Variants in ARHGEF2 observed in about 807,000 individuals in gnomAD.
ARHGEF2 encodes the protein Rho/Rac guanine nucleotide exchange factor 2, also known as rho guanine nucleotide exchange factor 2.
A neutral mutation model predicts 121.0 loss-of-function variants in ARHGEF2; 22 were observed. That is an observed-to-expected ratio of 0.18 (90% CI 0.13 to 0.26). The LOEUF (loss-of-function observed/expected upper bound fraction) is 0.26, where lower values mean the gene tolerates loss of function less well. Among genes scored for constraint, ARHGEF2 ranks in the 10% least tolerant of loss-of-function variants. The pLI, the probability that ARHGEF2 is intolerant of heterozygous loss-of-function variation, is 1.00. For synonymous variants in ARHGEF2, 487 were observed against 530.0 expected (o/e 0.92, Z 1.11); for missense variants, 907 against 1,336.0 (o/e 0.68, Z 5.01).
Position 155,962,697 on chromosome 1 carries a change from G to C in ARHGEF2, c.997C>G (p.Gln333Glu). 1 of 1,614,108 alleles carries C rather than the reference G, an allele frequency of 6.2e-7. No individual in the cohort carries two copies. Among genetic ancestry groups the C allele is most frequent in the Non-Finnish European group, 8.5e-7 (1 of 1,180,008 alleles). The change falls in exon 9 of 22, where the codon CAG (glutamine) becomes GAG (glutamate). Residue 333 changes from glutamine (Q) to glutamate (E), a missense_variant. Gln to Glu is a conservative substitution (Grantham distance 29). Transcript: ENST00000361247. This position sits in a 1 kb window ranked among gnomAD's most constrained non-coding sequence, Gnocchi z 5.8. ...ISQFSGPSAEQMCKTYSEFCS... is the reference protein window; with the variant it reads ...ISQFSGPSAEEMCKTYSEFCS... The stretch of plus-strand genomic sequence containing the variant: ...AACTCCGAGTAGGTCTTACACATCT[G>C]CTCCGCACTAGGACCTGAGAACTAG...
intron 2 of ARHGEF2, chr1:155,968,643 C>T (rs572130223): frequency 6.5e-6 from 1 of 154,320 alleles, no homozygotes; most frequent in East Asian, 1.9e-4. Context: ...ACATCTTCTG[C>T]TTGAAACAGC....
Position 155,965,645 on chromosome 1 carries a change from G to T in ARHGEF2, c.456C>A (p.Thr152=). The change falls in exon 5 of 22, where the codon ACC becomes ACA. Residue 152 remains threonine (T), a synonymous_variant. Transcript: ENST00000361247. This position sits in a 1 kb window ranked among gnomAD's most constrained non-coding sequence, Gnocchi z 6.0. ...SSLSLAKSVS[T]TNIAGHFNDE... is the part of the protein sequence containing the mutation. ...CAGAGGCTCACCCAGCAATGTTGGT[G>T]GTAGAAACACTCTTGGCTAAAGACA... The T allele has an allele frequency of 1.2e-6, 2 of 1,612,808 alleles. No individual in the cohort carries two copies. Among genetic ancestry groups the T allele is most frequent in the Non-Finnish European group, 8.5e-7 (1 of 1,179,864 alleles).
In ARHGEF2 at chr1:155,950,924, G is replaced by A. The variant is rs768191323; in HGVS notation, c.2608C>T (p.Pro870Ser). 13 of 1,603,722 alleles carry A rather than the reference G, an allele frequency of 8.1e-6. No individual in the cohort carries two copies. In the African/African-American group the frequency reaches 1.1e-4, roughly 13 times the overall value. The change falls in exon 20 of 22, where the codon CCA becomes TCA. Residue 870 changes from proline (P) to serine (S), a missense_variant. Around this residue, in one of 2 missense-constraint regions of ARHGEF2, gnomAD observed 432 missense variants for 559.5 expected, o/e 0.77. Coordinates refer to ENST00000361247, the MANE Select transcript of ARHGEF2 (RefSeq NM_001162383.2). The surrounding 1 kb of genome is among the most constrained non-coding windows in gnomAD (Gnocchi z 5.2). ...LAALGQTEPL[P>S]AEAPWARRPV... Reference sequence around the variant, plus strand: ...CTGCGGGCCCAGGGGGCCTCAGCTGGGAGTGGCTCGGTCTGGCCCAGGGCG... The same window carrying A: ...CTGCGGGCCCAGGGGGCCTCAGCTGAGAGTGGCTCGGTCTGGCCCAGGGCG...
intron 2 of ARHGEF2, among the ~76,000 whole-genome samples, chr1:155,967,216 G>A (rs1679581131): frequency 6.6e-6 from 1 of 152,192 alleles, no homozygotes; most frequent in African/African-American, 2.4e-5. Flanking sequence ...AAGCACGAAG[G>A]TGGTTGCGAA....
chr1:155,969,695 A>G, intron 1 of ARHGEF2: 3 of 1,013,580 alleles, frequency 3.0e-6, no homozygotes, highest in Non-Finnish European at 3.5e-6. Context: ...AGGGGAGAGC[A>G]GGCGAAGCGG....
intron 11 of ARHGEF2, among the ~76,000 whole-genome samples, chr1:155,960,192 T>C (rs892630246): frequency 1.1e-4 from 16 of 152,084 alleles, no homozygotes; most frequent in African/African-American, 3.9e-4. Context: ...GGGCGAGGCA[T>C]AGTGGCTCAC....
Position 155,969,566 on chromosome 1 carries a change from C to T in ARHGEF2, c.64-266G>A, listed in dbSNP as rs1324274859. The stretch of plus-strand genomic sequence containing the variant: ...CTACGGCTGGGCTGCCTCCTGTTGC[C>T]ACTCATCTCCCTGGCTCTAGGTCTC... On this transcript the variant is annotated intron_variant, in intron 1 of 21. Transcript: ENST00000361247. The T allele has an allele frequency of 1.7e-5, 22 of 1,318,696 alleles. No homozygotes were observed. In the East Asian group the frequency reaches 7.0e-4, roughly 42 times the overall value. 81.7% of individuals were successfully genotyped at this position (1,318,696 alleles called of 1,614,324 possible).
chr1:155,978,210 T>TCCCCCC lies in ARHGEF2; in HGVS notation c.63+154_63+155insGGGGGG. On this transcript the variant is annotated intron_variant, in intron 1 of 21. Transcript: ENST00000361247. This position sits in a 1 kb window ranked among gnomAD's most constrained non-coding sequence, Gnocchi z 4.1. Reference sequence around the variant, plus strand: ...CCCACCCCTACCCACTCGCTCGCAGTCCCCACCCACCCCGTCCCGCCGCTC... The same window carrying TCCCCCC: ...CCCACCCCTACCCACTCGCTCGCAGTCCCCCCCCCCACCCACCCCGTCCCGCCGCTC... The TCCCCCC allele has an allele frequency of 7.7e-7, 1 of 1,295,510 alleles. No homozygotes were observed. The highest frequency in any genetic ancestry group is 9.9e-7 in the Non-Finnish European group (1 of 1,008,882). The allele number at this position is 1,295,510 out of a possible 1,614,324, so 80.3% of individuals were successfully genotyped here.
rs1232869374 is a variant in ARHGEF2 at position 155,952,244 on chromosome 1, A to G, written c.1985-9T>C. The G allele has an allele frequency of 2.5e-6, 4 of 1,613,766 alleles. No homozygotes were observed. Among genetic ancestry groups the G allele is most frequent in the Non-Finnish European group, 3.4e-6 (4 of 1,179,900 alleles). The stretch of plus-strand genomic sequence containing the variant: ...GTCTTTCAGACCCTCCACTGTGGGG[A>G]AAGAGGAAGAGGTGAGAACAGGAAT... On this transcript the variant is annotated splice_polypyrimidine_tract_variant and intron_variant, in intron 15 of 21. Coordinates refer to ENST00000361247, the MANE Select transcript of ARHGEF2 (RefSeq NM_001162383.2).
At chr1:155,978,897 T>C, upstream of ARHGEF2, 5 of 984,318 alleles carry the variant, frequency 5.1e-6, no homozygotes, top group Non-Finnish European at 4.8e-6. This position sits in a 1 kb window ranked among gnomAD's most constrained non-coding sequence, Gnocchi z 4.1. Flanking sequence ...CCTTTTTCCC[T>C]CCCCTACTGC....
At chr1:155,967,001 C>A (rs985893429) in intron 2 of ARHGEF2, 114 bp from the exon 3 acceptor site, 21 of 961,246 alleles carry the variant, frequency 2.2e-5, no homozygotes, top group South Asian at 1.9e-4. Flanking sequence ...GACTCTCCCC[C>A]CTTCCCCGAC....
chr1:155,970,382 G>C, intron 1 of ARHGEF2: 2 of 985,432 alleles, frequency 2.0e-6, no homozygotes, highest in Non-Finnish European at 2.4e-6. Context: ...GCCTGAGAAG[G>C]TGAGAAGAGG....
intron 15 of ARHGEF2, among the ~76,000 whole-genome samples, 182 bp from the exon 16 acceptor site, chr1:155,952,417 T>C (rs1172469523): frequency 6.6e-6 from 1 of 151,590 alleles, no homozygotes; most frequent in Admixed American, 6.6e-5. Context: ...GGCAGCAGAG[T>C]CCATGCAGCA....
chr1:155,948,379 T>C (rs1015965680), intron 21 of ARHGEF2, among the ~76,000 whole-genome samples: 1 of 152,198 alleles, frequency 6.6e-6, no homozygotes, highest in Non-Finnish European at 1.5e-5. Context: ...CTTATAATCC[T>C]AACACTTTGG....
In ARHGEF2 at chr1:155,969,236, G is replaced by A. The variant is rs778092820; in HGVS notation, c.128C>T (p.Thr43Ile). 5 of 1,614,224 alleles carry A rather than the reference G, an allele frequency of 3.1e-6. 1 individual carries two copies. Among genetic ancestry groups the A allele is most frequent in the East Asian group, 2.2e-5 (1 of 44,888 alleles). ...GGTCATGCCTGAAACTGAAATGGTG[G>A]TGAAGAGGTGCCCATTGGTATAGCG... ...DARYTNGHLF[T>I]TISVSGMTMC... The change falls in exon 2 of 22, where the codon ACC becomes ATC. Residue 43 changes from threonine to isoleucine, a missense_variant. By Grantham distance (89) the Thr-to-Ile change is moderately conservative. Transcript: ENST00000361247.
Position 155,961,715 on chromosome 1 carries a change from T to C in ARHGEF2, c.1414A>G (p.Lys472Glu). 1 of 1,614,140 alleles carries C rather than the reference T, an allele frequency of 6.2e-7. No homozygotes were observed. The highest frequency in any genetic ancestry group is 2.2e-5 in the East Asian group (1 of 44,892). The change falls in exon 11 of 22, where the codon AAA (lysine) becomes GAA (glutamate). Residue 472 changes from lysine to glutamate, a missense_variant. By Grantham distance (56) the Lys-to-Glu change is moderately conservative. Transcript: ENST00000361247. The surrounding 1 kb of genome is among the most constrained non-coding windows in gnomAD (Gnocchi z 4.7). ...PFGREELLRR[K>E]LIHDGCLLWK... is the part of the protein sequence containing the mutation. ...AGCAGGCAGCCATCGTGGATGAGTTTGCGCCTCAGAAGTTCCTCTCGGCCA... is the reference window on the plus strand; with the variant it reads ...AGCAGGCAGCCATCGTGGATGAGTTCGCGCCTCAGAAGTTCCTCTCGGCCA...
chr1:155,964,167 A>AAAAAAAT (rs1553244640), intron 7 of ARHGEF2, among the ~76,000 whole-genome samples: 1 of 91,216 alleles, frequency 1.1e-5, no homozygotes, highest in Non-Finnish European at 1.8e-5. Context: ...AAAAAAAAAA[A>AAAAAAAT]ATATATATAT....
At chr1:155,955,223 C>T (rs1267795506) in intron 13 of ARHGEF2, among the ~76,000 whole-genome samples, 3 of 151,936 alleles carry the variant, frequency 2.0e-5, no homozygotes, top group Non-Finnish European at 2.9e-5. Flanking sequence ...CTCCTGGGTT[C>T]AAGTGATTCA....
chr1:155,971,859 G>C (rs1490102102), intron 1 of ARHGEF2, among the ~76,000 whole-genome samples: 1 of 150,524 alleles, frequency 6.6e-6, no homozygotes, highest in East Asian at 1.9e-4. Context: ...AACAACCTGA[G>C]CAACACAGCG....
Sources: gnomAD v4.1 joint callset for allele counts (sites outside exome capture counted in the v4.1 genomes callset) on GRCh38, gnomAD v4.1.1 for gene constraint, gnomAD v4.1.1 regional missense constraint, Gnocchi (gnomAD v3.1) non-coding constraint, MANE v1.5 for transcripts, NCBI Gene and HGNC (gene_info 2026-07-23, HGNC 2026-07-21) for gene names.